The following DGKB variants were observed in gnomAD, a reference collection of about 807,000 sequenced individuals.
DGKB encodes the protein diacylglycerol kinase beta, also known as 90 kDa diacylglycerol kinase.
DGKB carries 67 observed loss-of-function variants against 114.3 expected under a neutral mutation model. The ratio of observed to expected loss-of-function variants is 0.59; its 90% CI spans 0.48 to 0.72. The LOEUF is 0.72. Ranked by LOEUF, DGKB falls within the 30% of genes least tolerant of loss-of-function variation. The probability of loss-of-function intolerance (pLI) is 0.00; values close to 1 mark genes in which losing one functional copy is unlikely to be tolerated. For synonymous variants in DGKB, 398 were observed against 323.1 expected, an observed-to-expected ratio of 1.23 and a Z score of -2.49; for missense variants, 907 against 975.2, an observed-to-expected ratio of 0.93 and a Z score of 0.93.
intron 5 of DGKB, among the ~76,000 whole-genome samples, chr7:14,728,442 T>A (rs1426309166): frequency 2.0e-5 from 3 of 151,994 alleles, no homozygotes; most frequent in African/African-American, 7.3e-5. Context: ...ACAACTGGAG[T>A]CCAGGCCAGA....
intron 23 of DGKB, among the ~76,000 whole-genome samples, chr7:14,299,155 A>C (rs1803077252): frequency 6.6e-6 from 1 of 152,138 alleles, no homozygotes; most frequent in Admixed American, 6.6e-5. Flanking sequence ...CAATCCTCAT[A>C]ACTCTATTCC....
At chr7:14,569,659 A>G (rs539460030) in intron 20 of DGKB, among the ~76,000 whole-genome samples, 18 of 152,256 alleles carry the variant, frequency 1.2e-4, no homozygotes, top group African/African-American at 4.3e-4. Flanking sequence ...ATTCAATTGT[A>G]GCATGTATAA....
intron 21 of DGKB, among the ~76,000 whole-genome samples, chr7:14,407,795 G>A (rs1241373080): frequency 6.6e-6 from 1 of 152,062 alleles, no homozygotes; most frequent in Non-Finnish European, 1.5e-5. Flanking sequence ...ATGTGCTTCA[G>A]TGGACTTTGA....
intron 1 of DGKB, among the ~76,000 whole-genome samples, chr7:14,938,960 G>A (rs1299183421): frequency 3.3e-5 from 5 of 152,136 alleles, no homozygotes; most frequent in Admixed American, 6.6e-5. Flanking sequence ...TAATCACAGT[G>A]ACCACCTAAC....
At chr7:14,879,762 C>CT (rs1853931477) in intron 1 of DGKB, among the ~76,000 whole-genome samples, 1 of 152,136 alleles carries the variant, frequency 6.6e-6, no homozygotes, top group African/African-American at 2.4e-5. Flanking sequence ...AGAATCTTTC[C>CT]TTATAAGACT....
At chr7:14,193,403 G>A (rs901573186) in intron 23 of DGKB, among the ~76,000 whole-genome samples, 1 of 152,096 alleles carries the variant, frequency 6.6e-6, no homozygotes, top group African/African-American at 2.4e-5. Context: ...AACACCTACA[G>A]CCAACTGATT....
At chr7:14,938,621 T>C (rs990841873) in intron 1 of DGKB, among the ~76,000 whole-genome samples, 17 of 152,028 alleles carry the variant, frequency 1.1e-4, no homozygotes, top group East Asian at 1.9e-4. Context: ...TCTTTCTTTT[T>C]TTTTTTAGTT....
intron 20 of DGKB, among the ~76,000 whole-genome samples, chr7:14,481,754 C>T (rs1464750630): frequency 6.6e-6 from 1 of 151,906 alleles, no homozygotes; most frequent in African/African-American, 2.4e-5. Flanking sequence ...ATTCCAATCT[C>T]TCCCTGTGTG....
intron 21 of DGKB, among the ~76,000 whole-genome samples, chr7:14,406,762 T>C (rs1247382880): frequency 6.6e-6 from 1 of 152,114 alleles, no homozygotes; most frequent in Non-Finnish European, 1.5e-5. Context: ...ATTTGTACAA[T>C]ATGAGATATG....
chr7:14,658,795 T>C (rs888695100), intron 13 of DGKB, among the ~76,000 whole-genome samples: 4 of 151,946 alleles, frequency 2.6e-5, no homozygotes, highest in Admixed American at 6.6e-5. Flanking sequence ...TTAATTTTAA[T>C]ACTAAAGAAT....
At chr7:14,544,926 C>CT (rs1467007089) in intron 20 of DGKB, among the ~76,000 whole-genome samples, 1 of 151,998 alleles carries the variant, frequency 6.6e-6, no homozygotes, top group African/African-American at 2.4e-5. Flanking sequence ...CAATTTTCCC[C>CT]TTTACTCACT....
chr7:14,829,319 C>G (rs775878958), intron 2 of DGKB, among the ~76,000 whole-genome samples: 1 of 152,098 alleles, frequency 6.6e-6, no homozygotes, highest in Non-Finnish European at 1.5e-5. Context: ...TTTGTGCCTA[C>G]TTGTATAATC....
chr7:14,457,918 T>C (rs1029562397), intron 21 of DGKB, among the ~76,000 whole-genome samples: 7 of 152,162 alleles, frequency 4.6e-5, no homozygotes, highest in Non-Finnish European at 1.0e-4. Context: ...GCAACACAAA[T>C]CAAAACAATG....
At position 14,776,323 on chromosome 7, in the gene DGKB, T is replaced by C. The variant is rs576983099; in HGVS notation, c.71-18592A>G. 6.6e-5 allele frequency among the ~76,000 whole-genome samples: 10 copies of C among 152,302 alleles called. No individual in the cohort carries two copies. The East Asian group carries it at 1.2e-3, about 18-fold the overall frequency. ...AATACAAGCCAGCAGCAGAAATTTG[T>C]ATAAGTAACAAGGAGCTGAATGTTA... On this transcript the variant is annotated intron_variant, in intron 2 of 25. Coordinates refer to ENST00000402815, the MANE Select transcript of DGKB (RefSeq NM_001350709.2).
chr7:14,178,192 C>CA, intron 23 of DGKB, 41 bp from the exon 24 acceptor site: 1 of 1,596,976 alleles, frequency 6.3e-7, no homozygotes, highest in Non-Finnish European at 8.5e-7. Flanking sequence ...AATGTGTATA[C>CA]ATATGTCCAC....
chr7:14,181,350 A>G (rs994532461), intron 23 of DGKB, among the ~76,000 whole-genome samples: 1 of 152,170 alleles, frequency 6.6e-6, no homozygotes, highest in Non-Finnish European at 1.5e-5. Context: ...ATGGCAATTT[A>G]TTTTTTAGTG....
intron 23 of DGKB, among the ~76,000 whole-genome samples, chr7:14,321,125 T>C (rs1807704065): frequency 6.6e-6 from 1 of 151,890 alleles, no homozygotes; most frequent in Non-Finnish European, 1.5e-5. Flanking sequence ...TCCCTGTCCC[T>C]ACAAAAAATA....
chr7:14,422,417 T>A (rs192096891), intron 21 of DGKB, among the ~76,000 whole-genome samples: 116 of 152,234 alleles, frequency 7.6e-4, no homozygotes, highest in African/African-American at 2.6e-3. Flanking sequence ...TAAATACATG[T>A]GTACTTTTTG....
chr7:14,476,829 A>C (rs1289952358), intron 21 of DGKB, among the ~76,000 whole-genome samples: 1 of 148,910 alleles, frequency 6.7e-6, no homozygotes, highest in African/African-American at 2.5e-5. Flanking sequence ...ATCTCAGCTC[A>C]CTGCAACCTC....
Sources: allele counts gnomAD v4.1 joint callset (sites outside exome capture counted in the v4.1 genomes callset), GRCh38; gene constraint gnomAD v4.1.1; transcripts MANE v1.5; gene names NCBI Gene and HGNC (gene_info 2026-07-23, HGNC 2026-07-21).